Variants in WDPCP observed in about 807,000 individuals in gnomAD.
WDPCP encodes WD repeat containing planar cell polarity effector, also known as WD repeat-containing and planar cell polarity effector protein fritz homolog.
Under a neutral mutation model 93.1 loss-of-function variants are expected in WDPCP, and 71 were observed. The observed-to-expected ratio is 0.76, with a 90% CI of 0.63 to 0.93. The LOEUF (loss-of-function observed/expected upper bound fraction) is 0.93, where lower values mean the gene tolerates loss of function less well. WDPCP is among the 40% of genes least tolerant of loss of function. WDPCP has a pLI of 0.00. For synonymous variants in WDPCP, 315 were observed against 315.0 expected, an observed-to-expected ratio of 1.00 and a Z score of 0.00; for missense variants, 844 against 887.4, an observed-to-expected ratio of 0.95 and a Z score of 0.62.
chr2:63,208,056 T>TA (rs1258752861), intron 14 of WDPCP, among the ~76,000 whole-genome samples: 10 of 152,284 alleles, frequency 6.6e-5, no homozygotes, highest in African/African-American at 1.9e-4. Flanking sequence ...TTTCATTCTC[T>TA]AAAAAATCTT....
At chr2:63,508,803 C>T (rs1212975762) in intron 1 of WDPCP, among the ~76,000 whole-genome samples, 3 of 152,006 alleles carry the variant, frequency 2.0e-5, no homozygotes, top group Non-Finnish European at 4.4e-5. Flanking sequence ...ACAAAACAGA[C>T]TTTAAACCAA....
At chr2:63,381,430 C>A (rs1199256099) in intron 11 of WDPCP, among the ~76,000 whole-genome samples, 1 of 151,892 alleles carries the variant, frequency 6.6e-6, no homozygotes, top group African/African-American at 2.4e-5. Context: ...CAAGAAGGAG[C>A]GGCCTGGGCT....
At chr2:63,719,921 T>G (rs1212398014) in intron 2 of WDPCP, among the ~76,000 whole-genome samples, 1 of 152,182 alleles carries the variant, frequency 6.6e-6, no homozygotes, top group African/African-American at 2.4e-5. Context: ...TACTAGTATT[T>G]ATATAGCAAT....
chr2:63,731,827 G>T (rs191793049), intron 2 of WDPCP, among the ~76,000 whole-genome samples: 206 of 152,308 alleles, frequency 1.4e-3, no homozygotes, highest in South Asian at 2.3e-3. Context: ...AGGTAAGCAA[G>T]AGACAAGGGA....
chr2:63,269,911 T>C (rs1351779574), intron 13 of WDPCP, among the ~76,000 whole-genome samples: 2 of 152,328 alleles, frequency 1.3e-5, no homozygotes, highest in East Asian at 3.9e-4. Context: ...GTGTAAAATA[T>C]TGATACAATC....
intron 12 of WDPCP, among the ~76,000 whole-genome samples, chr2:63,375,303 T>C (rs1352514151): frequency 1.3e-5 from 2 of 152,054 alleles, no homozygotes; most frequent in Non-Finnish European, 2.9e-5. Flanking sequence ...GGCAGCTGAC[T>C]AATTACCTTT....
chr2:63,199,211 G>A (rs1003257439), intron 14 of WDPCP, among the ~76,000 whole-genome samples: 1 of 152,206 alleles, frequency 6.6e-6, no homozygotes, highest in African/African-American at 2.4e-5. Flanking sequence ...GAAGCAGAGT[G>A]TAAAAGTTTG....
rs140022636 is a variant in WDPCP at position 63,701,779 on chromosome 2, A to G, written n.309-50941T>C. Among the ~76,000 whole-genome samples, 610 of 152,316 alleles carry G rather than the reference A, an allele frequency of 4.0e-3. 3 individuals are homozygous for G. The highest frequency in any genetic ancestry group is 0.014 in the African/African-American group (576 of 41,572). On this transcript the variant is annotated intron_variant and non_coding_transcript_variant, in intron 2 of 4. Coordinates refer to the WDPCP transcript ENST00000467687. ...AGACAAATATCACATGTTCTCACTC[A>G]TATGTAGGAGCTTAAAAAGTGACTA...
intron 9 of WDPCP, among the ~76,000 whole-genome samples, chr2:63,427,009 T>C (rs1696366990): frequency 6.6e-6 from 1 of 151,942 alleles, no homozygotes; most frequent in African/African-American, 2.4e-5. Context: ...ATAATAACAA[T>C]AAAAAAAGGT....
chr2:63,642,072 A>C (rs1709986473), intron 3 of WDPCP, among the ~76,000 whole-genome samples: 1 of 151,982 alleles, frequency 6.6e-6, no homozygotes, highest in East Asian at 1.9e-4. Flanking sequence ...TGTTCTTGGC[A>C]CCTTTGTTGA....
At position 63,282,294 on chromosome 2, in the gene WDPCP, T is replaced by G. The variant is rs189683489; in HGVS notation, c.1813-22885A>C. 1.6e-3 allele frequency among the ~76,000 whole-genome samples: 243 copies of G among 152,138 alleles called. 1 individual carries two copies. Among genetic ancestry groups the G allele is most frequent in the African/African-American group, 5.6e-3 (233 of 41,514 alleles). ...GGCTGAGGCAGGTGGATCATGAGGT[T>G]AGGAGTTCAAGACCAGCCTGGCCAA... On this transcript the variant is annotated intron_variant, in intron 13 of 17. Coordinates refer to ENST00000272321, the MANE Select transcript of WDPCP (RefSeq NM_015910.7).
At chr2:63,493,031 T>C (rs781423907) in intron 1 of WDPCP, 91 bp from the exon 2 acceptor site, 6 of 1,085,962 alleles carry the variant, frequency 5.5e-6, no homozygotes, top group Non-Finnish European at 8.4e-6. Flanking sequence ...AAAAGAATCA[T>C]TCGCCACAAC....
chr2:63,575,203 T>C (rs1218770505), intron 1 of WDPCP, among the ~76,000 whole-genome samples: 1 of 151,420 alleles, frequency 6.6e-6, no homozygotes, highest in Non-Finnish European at 1.5e-5. Context: ...TTCTCTATGT[T>C]ACATAATAGA....
intron 14 of WDPCP, chr2:63,229,550 G>C (rs1678633605): frequency 6.6e-6 from 1 of 152,076 alleles, no homozygotes; most frequent in Non-Finnish European, 1.5e-5. Flanking sequence ...TTTCTTCTAG[G>C]GCTTTTATGG....
At chr2:63,620,059 A>G (rs1709717436) in intron 3 of WDPCP, among the ~76,000 whole-genome samples, 1 of 152,104 alleles carries the variant, frequency 6.6e-6, no homozygotes, top group Non-Finnish European at 1.5e-5. Context: ...TGCCTACACC[A>G]CCAGGGCCCT....
intron 14 of WDPCP, among the ~76,000 whole-genome samples, chr2:63,227,008 T>TCCAAATAGC (rs1309432255): frequency 6.6e-6 from 1 of 151,936 alleles, no homozygotes; most frequent in Non-Finnish European, 1.5e-5. Flanking sequence ...CTCCAAACAC[T>TCCAAATAGC]TCTTTTTTGA....
intron 1 of WDPCP, among the ~76,000 whole-genome samples, chr2:63,514,114 T>A (rs1702408731): frequency 6.6e-6 from 1 of 152,134 alleles, no homozygotes; most frequent in African/African-American, 2.4e-5. Context: ...TTTATAAACA[T>A]GGAAGCAAAT....
intron 13 of WDPCP, among the ~76,000 whole-genome samples, chr2:63,260,922 T>C (rs1013366255): frequency 1.3e-5 from 2 of 152,200 alleles, no homozygotes; most frequent in Non-Finnish European, 2.9e-5. Flanking sequence ...TTTGATACAG[T>C]CCTCAAGTTA....
At chr2:63,392,109 G>A (rs1409021984) in intron 10 of WDPCP, among the ~76,000 whole-genome samples, 1 of 152,100 alleles carries the variant, frequency 6.6e-6, no homozygotes, top group African/African-American at 2.4e-5. Context: ...CAAAGCTGGA[G>A]GCATCACACT....
Sources: allele counts gnomAD v4.1 joint callset (sites outside exome capture counted in the v4.1 genomes callset), GRCh38; gene constraint gnomAD v4.1.1; transcripts MANE v1.5; gene names NCBI Gene and HGNC (gene_info 2026-07-23, HGNC 2026-07-21).